Variants in GNG4 observed in about 807,000 individuals in gnomAD.
The protein encoded by GNG4 is guanine nucleotide-binding protein G(I)/G(S)/G(O) subunit gamma-4.
Under a neutral mutation model 5.8 loss-of-function variants are expected in GNG4, and 4 were observed. The observed-to-expected ratio is 0.69, with a 90% CI of 0.34 to 1.57. GNG4 has a LOEUF of 1.57. Among genes scored for constraint, GNG4 ranks in the 40% most tolerant of loss-of-function variants. The pLI, the probability that GNG4 is intolerant of heterozygous loss-of-function variation, is 0.06. For synonymous variants in GNG4, 29 were observed against 32.9 expected, an observed-to-expected ratio of 0.88 and a Z score of 0.41; for missense variants, 96 against 95.1, an observed-to-expected ratio of 1.01 and a Z score of -0.04.
At chr1:235,612,010 G>GC (rs1688486510) in intron 1 of GNG4, among the ~76,000 whole-genome samples, 1 of 128,564 alleles carries the variant, frequency 7.8e-6, no homozygotes, top group East Asian at 2.6e-4. Context: ...GTTACAATGA[G>GC]CTGAGATTGT....
At chr1:235,587,845 G>A (rs1687859330) in intron 2 of GNG4, among the ~76,000 whole-genome samples, 1 of 150,780 alleles carries the variant, frequency 6.6e-6, no homozygotes, top group Non-Finnish European at 1.5e-5. Flanking sequence ...GGGTGAACGT[G>A]TGTGTAAGTG....
At chr1:235,612,332 C>T (rs1218232407) in intron 1 of GNG4, among the ~76,000 whole-genome samples, 1 of 152,174 alleles carries the variant, frequency 6.6e-6, no homozygotes, top group Non-Finnish European at 1.5e-5. Flanking sequence ...GAGAATTTCT[C>T]ACAGCAGAGT....
intron 2 of GNG4, among the ~76,000 whole-genome samples, chr1:235,593,280 G>A (rs933305777): frequency 2.0e-5 from 3 of 152,164 alleles, no homozygotes; most frequent in Non-Finnish European, 4.4e-5. Context: ...GCTGCATCTT[G>A]CAGCACACAA....
chr1:235,550,034 G>C lies in GNG4; in HGVS notation c.*2075C>G, dbSNP rs973965441. 4 of 152,234 alleles carry C rather than the reference G, an allele frequency of 2.6e-5. No homozygotes were observed. The highest frequency in any genetic ancestry group is 5.9e-5 in the Non-Finnish European group (4 of 68,036). The allele number at this position is 152,234 out of a possible 1,614,324, so 9.4% of individuals were successfully genotyped here. A position where few individuals can be genotyped will look rare whatever the true frequency, so the allele number is the denominator to read the frequency against. On this transcript the variant is annotated 3_prime_UTR_variant, in exon 4 of 4. Coordinates refer to ENST00000391854, the MANE Select transcript of GNG4 (RefSeq NM_001098722.2). ...TCTATCACACAGCAAGTCTCTTTCA[G>C]AACTAGGGAGAGAGGCAGTTTCCAA...
chr1:235,565,230 C>T (rs1311265886), intron 3 of GNG4, among the ~76,000 whole-genome samples: 2 of 152,008 alleles, frequency 1.3e-5, no homozygotes, highest in African/African-American at 4.8e-5. Context: ...TGGCCCAGCG[C>T]AGTGGCATGC....
chr1:235,575,855 G>A (rs1351539982), intron 3 of GNG4, among the ~76,000 whole-genome samples: 1 of 152,148 alleles, frequency 6.6e-6, no homozygotes, highest in East Asian at 1.9e-4. Flanking sequence ...ACCCGCCTGA[G>A]AGCCTGTGTC....
Position 235,580,739 on chromosome 1 carries a change from G to GTTTTT in GNG4, c.99+2996_99+3000dup, listed in dbSNP as rs1200655746. Among the ~76,000 whole-genome samples, 60 of 98,028 alleles carry GTTTTT rather than the reference G, an allele frequency of 6.1e-4. 15 individuals carry two copies. Among genetic ancestry groups the GTTTTT allele is most frequent in the East Asian group, 3.2e-3 (9 of 2,844 alleles). 64.3% of individuals were successfully genotyped at this position (98,028 alleles called of 152,430 possible). On this transcript the variant is annotated intron_variant, in intron 3 of 3. Transcript: ENST00000391854. ...GCACAGCAACATGGCGGCCTATCCCGTTTTTTGTTTTTTTTTTTTTTTTTT... is the reference window on the plus strand; with the variant it reads ...GCACAGCAACATGGCGGCCTATCCCGTTTTTTTTTTTGTTTTTTTTTTTTTTTTTT...
chr1:235,593,510 A>C (rs1482102704), intron 2 of GNG4, among the ~76,000 whole-genome samples: 2 of 152,230 alleles, frequency 1.3e-5, no homozygotes, highest in Non-Finnish European at 2.9e-5. Flanking sequence ...ACAATGCCCA[A>C]AAGACAGCTG....
At chr1:235,575,689 C>A (rs1687466451) in intron 3 of GNG4, among the ~76,000 whole-genome samples, 1 of 152,194 alleles carries the variant, frequency 6.6e-6, no homozygotes, top group Non-Finnish European at 1.5e-5. Flanking sequence ...TGCTTCTAGT[C>A]CCTGGCTGAG....
In GNG4 at chr1:235,552,192, C is replaced by T. The variant is rs769944125; in HGVS notation, c.145G>A (p.Val49Met). The change falls in exon 4 of 4, where the codon GTG becomes ATG. Residue 49 changes from valine to methionine, a missense_variant. Coordinates refer to ENST00000391854, the MANE Select transcript of GNG4 (RefSeq NM_001098722.2). ...GGAATGATGAGAGGATCTTCCCGCA[C>T]GTGAGCTTCACAGTAGGCCAGGAGG... ...ADLLAYCEAH[V>M]REDPLIIPVP... 2.8e-5 allele frequency: 45 copies of T among 1,613,814 alleles called. No homozygotes were observed. The highest frequency in any genetic ancestry group is 4.5e-5 in the East Asian group (2 of 44,890).
intron 1 of GNG4, among the ~76,000 whole-genome samples, chr1:235,622,706 C>A (rs549738792): frequency 2.1e-4 from 32 of 152,002 alleles, no homozygotes; most frequent in Non-Finnish European, 3.5e-4. Context: ...CATGGTGAAA[C>A]CCCGTCTCTA....
intron 2 of GNG4, among the ~76,000 whole-genome samples, chr1:235,588,112 C>A (rs1250755002): frequency 3.9e-5 from 6 of 152,068 alleles, no homozygotes; most frequent in Admixed American, 3.9e-4. Flanking sequence ...CATTCTTCCG[C>A]TGTTCAAAAG....
intron 1 of GNG4, among the ~76,000 whole-genome samples, chr1:235,628,782 C>T (rs1271760075): frequency 6.6e-6 from 1 of 152,174 alleles, no homozygotes; most frequent in Non-Finnish European, 1.5e-5. Flanking sequence ...TAGGTGGTGG[C>T]CCTTTTTAAA....
chr1:235,573,648 G>A (rs1388218178), intron 3 of GNG4, among the ~76,000 whole-genome samples: 1 of 151,984 alleles, frequency 6.6e-6, no homozygotes. Context: ...GTGGTGGCGG[G>A]CGCCTGTAGT....
Position 235,570,521 on chromosome 1 carries a change from C to T in GNG4, c.99+13219G>A, listed in dbSNP as rs556241838. 1.9e-4 allele frequency among the ~76,000 whole-genome samples: 29 copies of T among 151,618 alleles called. No homozygotes were observed. In the East Asian group the frequency reaches 4.5e-3, roughly 23 times the overall value. ...AAGCGATTCTCCTGCCTCAGCCTCCCGAGTAGCTGGGATTACAGGTGCCCG... is the reference window on the plus strand; with the variant it reads ...AAGCGATTCTCCTGCCTCAGCCTCCTGAGTAGCTGGGATTACAGGTGCCCG... On this transcript the variant is annotated intron_variant, in intron 3 of 3. Transcript: ENST00000391854.
At chr1:235,616,290 G>A (rs1046651769) in intron 1 of GNG4, 6 of 456,152 alleles carry the variant, frequency 1.3e-5, no homozygotes, top group African/African-American at 1.2e-4. Context: ...GAGGATGGGA[G>A]GAAGGGCAGC....
At chr1:235,590,024 C>T (rs1200465996) in intron 2 of GNG4, among the ~76,000 whole-genome samples, 1 of 152,238 alleles carries the variant, frequency 6.6e-6, no homozygotes, top group Non-Finnish European at 1.5e-5. Context: ...ACCCCTCCAT[C>T]CTGTAATGTC....
chr1:235,571,618 G>A (rs1352470215), intron 3 of GNG4, among the ~76,000 whole-genome samples: 1 of 152,100 alleles, frequency 6.6e-6, no homozygotes, highest in Non-Finnish European at 1.5e-5. Context: ...ATTTGATATT[G>A]ACTCAAACAC....
At chr1:235,582,481 T>C (rs1687662823) in intron 3 of GNG4, among the ~76,000 whole-genome samples, 1 of 152,220 alleles carries the variant, frequency 6.6e-6, no homozygotes, top group Non-Finnish European at 1.5e-5. Context: ...GCCTTCACAT[T>C]TCTCTCCCAG....
Sources: gnomAD v4.1 joint callset for allele counts (sites outside exome capture counted in the v4.1 genomes callset) on GRCh38, gnomAD v4.1.1 for gene constraint, MANE v1.5 for transcripts, NCBI Gene and HGNC (gene_info 2026-07-23, HGNC 2026-07-21) for gene names.